The following AGAP1 variants were observed in gnomAD, a reference collection of about 807,000 sequenced individuals.
AGAP1 encodes the protein arf-GAP with GTPase, ANK repeat and PH domain-containing protein 1.
AGAP1 carries 29 observed loss-of-function variants against 105.3 expected under a neutral mutation model. That is an observed-to-expected ratio of 0.28 (90% CI 0.21 to 0.38). The LOEUF (loss-of-function observed/expected upper bound fraction) is 0.38, where lower values mean the gene tolerates loss of function less well. Ranked by LOEUF, AGAP1 falls within the 10% of genes least tolerant of loss-of-function variation. The pLI, the probability that AGAP1 is intolerant of heterozygous loss-of-function variation, is 1.00. For synonymous variants in AGAP1, 509 were observed against 485.9 expected, an observed-to-expected ratio of 1.05 and a Z score of -0.63; for missense variants, 998 against 1,165.1, an observed-to-expected ratio of 0.86 and a Z score of 2.09.
chr2:235,846,277 G>T (rs1449663778), intron 9 of AGAP1, among the ~76,000 whole-genome samples: 4 of 152,150 alleles, frequency 2.6e-5, no homozygotes. Context: ...AAAATGGAAT[G>T]TAAGAGTTTG....
rs537869957 is a variant in AGAP1, at chr2:236,092,656, T to G, written c.2115-27536T>G. On this transcript the variant is annotated intron_variant, in intron 16 of 17. Coordinates refer to ENST00000304032, the MANE Select transcript of AGAP1 (RefSeq NM_001037131.3). This position sits in a 1 kb window ranked among gnomAD's most constrained non-coding sequence, Gnocchi z 4.7. ...ATCCACCCGCCTTGGCCTCCCAAAG[T>G]GCTGGGATTACAGGCGTGAGCCACC... Among the ~76,000 whole-genome samples, 1 of 152,344 alleles carries G rather than the reference T, an allele frequency of 6.6e-6. No individual in the cohort carries two copies. Among genetic ancestry groups the G allele is most frequent in the South Asian group, 2.1e-4 (1 of 4,828 alleles).
intron 16 of AGAP1, among the ~76,000 whole-genome samples, chr2:236,057,553 C>G (rs554461476): frequency 2.6e-5 from 4 of 151,960 alleles, no homozygotes; most frequent in Admixed American, 2.6e-4. Context: ...GGGTTAGAGC[C>G]CCCCCCTCAA....
chr2:236,026,479 C>G (rs111916333), intron 13 of AGAP1, among the ~76,000 whole-genome samples: 41,076 of 152,162 alleles, frequency 0.27, 7,141 homozygotes, highest in African/African-American at 0.5. Context: ...CTGTAATCCC[C>G]GCACTTTGGG....
Position 236,131,530 on chromosome 2 carries a change from A to G in AGAP1, c.*7408A>G, listed in dbSNP as rs570826423. ...TTCTATTACCTCATTCAGCAACTTTATGTTTCACAATGACTCAATGATGCT... is the reference window on the plus strand; with the variant it reads ...TTCTATTACCTCATTCAGCAACTTTGTGTTTCACAATGACTCAATGATGCT... On this transcript the variant is annotated 3_prime_UTR_variant, in exon 18 of 18. Coordinates refer to ENST00000304032, the MANE Select transcript of AGAP1 (RefSeq NM_001037131.3). This position sits in a 1 kb window ranked among gnomAD's most constrained non-coding sequence, Gnocchi z 5.9. 13 of 152,096 alleles carry G rather than the reference A, an allele frequency of 8.5e-5. No individual in the cohort carries two copies. The highest frequency in any genetic ancestry group is 2.1e-4 in the South Asian group (1 of 4,818). 9.4% of individuals were successfully genotyped at this position (152,096 alleles called of 1,614,324 possible).
rs746896868 is a variant in AGAP1, at chr2:236,050,666, AT to A, written c.2114+1387del. The stretch of plus-strand genomic sequence containing the variant: ...GTCTGAAAATGAAAAATGATTGGAA[AT>A]TAGATTGAGCTTAATATATGAATGC... On this transcript the variant is annotated intron_variant, in intron 16 of 17. Transcript: ENST00000304032. This position sits in a 1 kb window ranked among gnomAD's most constrained non-coding sequence, Gnocchi z 4.0. Among the ~76,000 whole-genome samples the A allele has an allele frequency of 1.3e-5, 2 of 152,230 alleles. No homozygotes were observed. The highest frequency in any genetic ancestry group is 2.9e-5 in the Non-Finnish European group (2 of 68,038).
intron 9 of AGAP1, among the ~76,000 whole-genome samples, chr2:235,828,031 G>C (rs1310317174): frequency 6.6e-6 from 1 of 152,224 alleles, no homozygotes; most frequent in Non-Finnish European, 1.5e-5. Context: ...GCTGCATTTT[G>C]ACAGACTTAC....
rs1011000673 is a variant in AGAP1, at chr2:235,934,301, G to A, written c.1483+3378G>A. 1.3e-5 allele frequency among the ~76,000 whole-genome samples: 2 copies of A among 152,192 alleles called. No homozygotes were observed. Among genetic ancestry groups the A allele is most frequent in the Admixed American group, 6.5e-5 (1 of 15,284 alleles). On this transcript the variant is annotated intron_variant, in intron 12 of 17. Coordinates refer to ENST00000304032, the MANE Select transcript of AGAP1 (RefSeq NM_001037131.3). The surrounding 1 kb of genome is among the most constrained non-coding windows in gnomAD (Gnocchi z 4.9). Reference sequence around the variant, plus strand: ...CCTCACTTCCCAAAGCCTGGTCCACGGACCAAGTGGCATTTGACAGCTCCG... The same window carrying A: ...CCTCACTTCCCAAAGCCTGGTCCACAGACCAAGTGGCATTTGACAGCTCCG...
At chr2:235,670,386 G>C (rs1364698284) in intron 1 of AGAP1, 7 of 555,640 alleles carry the variant, frequency 1.3e-5, no homozygotes, top group Non-Finnish European at 2.3e-5. Flanking sequence ...CGCACCTTCC[G>C]CACCCGCAGC....
At chr2:235,854,523 G>A (rs551389282) in intron 9 of AGAP1, among the ~76,000 whole-genome samples, 1 of 152,220 alleles carries the variant, frequency 6.6e-6, no homozygotes, top group Admixed American at 6.5e-5. Flanking sequence ...AGCCTCAGCT[G>A]CTATTGTGGC....
At chr2:235,506,231 C>T (rs1384022807) in intron 1 of AGAP1, among the ~76,000 whole-genome samples, 2 of 152,032 alleles carry the variant, frequency 1.3e-5, no homozygotes, top group Non-Finnish European at 2.9e-5. Context: ...GTGCCCGGCC[C>T]TGTTTTATTT....
intron 16 of AGAP1, among the ~76,000 whole-genome samples, chr2:236,077,404 C>T (rs974333674): frequency 1.1e-4 from 16 of 151,384 alleles, no homozygotes; most frequent in African/African-American, 2.9e-4. Context: ...CTGCAACCTC[C>T]GCCTCCCATG....
chr2:235,734,043 A>AT lies in AGAP1; in HGVS notation c.311-6914dup, dbSNP rs1427865645. Among the ~76,000 whole-genome samples the AT allele has an allele frequency of 2.0e-5, 3 of 152,172 alleles. No individual in the cohort carries two copies. Among genetic ancestry groups the AT allele is most frequent in the South Asian group, 4.1e-4 (2 of 4,822 alleles). On this transcript the variant is annotated intron_variant, in intron 3 of 17. Transcript: ENST00000304032. The surrounding 1 kb of genome is among the most constrained non-coding windows in gnomAD (Gnocchi z 5.3). ...TATCAAAGTTAAATGAGCCAAACTT[A>AT]TTTTTTACAAATTTCTGGCGCATTC...
In AGAP1 at chr2:235,556,790, A is replaced by G. The variant is rs952397515; in HGVS notation, c.163+61941A>G. Among the ~76,000 whole-genome samples, 1 of 152,210 alleles carries G rather than the reference A, an allele frequency of 6.6e-6. No homozygotes were observed. Among genetic ancestry groups the G allele is most frequent in the Admixed American group, 6.5e-5 (1 of 15,290 alleles). ...GAATCTGAAAGTCGTTGCTTATTGT[A>G]TATTTGAGAAGTGGCACTTATTTAC... On this transcript the variant is annotated intron_variant, in intron 1 of 17. Coordinates refer to ENST00000304032, the MANE Select transcript of AGAP1 (RefSeq NM_001037131.3). The surrounding 1 kb of genome is among the most constrained non-coding windows in gnomAD (Gnocchi z 5.3).
At chr2:235,704,969 CTTTTTTTTTTTTTTTT>C (rs969370505) in intron 1 of AGAP1, among the ~76,000 whole-genome samples, 1 of 59,696 alleles carries the variant, frequency 1.7e-5, no homozygotes, top group Non-Finnish European at 3.0e-5. Context: ...ATGCTTTTTT[CTTTTTTTTTTTTTTTT>C]TTTTTTTTTT....
rs1344960473 is a variant in AGAP1, at chr2:236,061,233, G to A, written c.2114+11952G>A. On this transcript the variant is annotated intron_variant, in intron 16 of 17. Coordinates refer to ENST00000304032, the MANE Select transcript of AGAP1 (RefSeq NM_001037131.3). This position sits in a 1 kb window ranked among gnomAD's most constrained non-coding sequence, Gnocchi z 4.1. ...CCGCACGTGCTCTTGGACGGTCGTG[G>A]CAAGTGTTGGTGAGGAACGTGGAGA... is the stretch of plus-strand genomic sequence containing the variant. Among the ~76,000 whole-genome samples, 3 of 152,166 alleles carry A rather than the reference G, an allele frequency of 2.0e-5. No homozygotes were observed. Among genetic ancestry groups the A allele is most frequent in the Admixed American group, 6.5e-5 (1 of 15,278 alleles).
rs1252081549 is a variant in AGAP1, at chr2:235,578,716, C to T, written c.163+83867C>T. ...AGGAGAATTGCTTGAACCCAGGAGG[C>T]GGAGGTTGCAGTAAGCCGACATTGT... On this transcript the variant is annotated intron_variant, in intron 1 of 17. Transcript: ENST00000304032. This position sits in a 1 kb window ranked among gnomAD's most constrained non-coding sequence, Gnocchi z 4.9. 2.0e-5 allele frequency among the ~76,000 whole-genome samples: 3 copies of T among 149,582 alleles called. No homozygotes were observed. Among genetic ancestry groups the T allele is most frequent in the African/African-American group, 7.4e-5 (3 of 40,392 alleles).
chr2:235,640,014 G>A (rs567651802), intron 1 of AGAP1, among the ~76,000 whole-genome samples: 10 of 152,300 alleles, frequency 6.6e-5, no homozygotes, highest in East Asian at 3.9e-4. Flanking sequence ...CTCAGGAAGC[G>A]GTTAGCAGTC....
At chr2:235,583,952 TG>T (rs1332196985) in intron 1 of AGAP1, among the ~76,000 whole-genome samples, 1 of 150,568 alleles carries the variant, frequency 6.6e-6, no homozygotes, top group African/African-American at 2.4e-5. Flanking sequence ...ATGATCCTCC[TG>T]CCTCGGCCCC....
chr2:235,978,742 C>T (rs985514482), intron 13 of AGAP1, among the ~76,000 whole-genome samples: 3 of 152,170 alleles, frequency 2.0e-5, no homozygotes, highest in Non-Finnish European at 4.4e-5. Context: ...TTGCTTCTCC[C>T]TCTGTGCATG....
Sources: gnomAD v4.1 joint callset for allele counts (sites outside exome capture counted in the v4.1 genomes callset) on GRCh38, gnomAD v4.1.1 for gene constraint, Gnocchi (gnomAD v3.1) non-coding constraint, MANE v1.5 for transcripts, NCBI Gene and HGNC (gene_info 2026-07-23, HGNC 2026-07-21) for gene names.